CDH18: variants seen among roughly 807,000 people sequenced by gnomAD.
CDH18 encodes cadherin 18, also known as cadherin-18.
In CDH18, 31 loss-of-function variants were observed where a neutral mutation model predicts 67.9. The ratio of observed to expected loss-of-function variants is 0.46; its 90% CI spans 0.34 to 0.62. CDH18 has a LOEUF of 0.62. Among genes scored for constraint, CDH18 ranks in the 20% least tolerant of loss-of-function variants. CDH18 has a pLI of 0.01. For synonymous variants in CDH18, 362 were observed against 347.2 expected (o/e 1.04, Z -0.48); for missense variants, 890 against 975.5 (o/e 0.91, Z 1.17).
intron 1 of CDH18, among the ~76,000 whole-genome samples, chr5:20,395,568 G>A (rs1001188481): frequency 2.6e-5 from 4 of 152,088 alleles, no homozygotes; most frequent in African/African-American, 9.7e-5. Flanking sequence ...ACAATAACTT[G>A]TACCTCTAAA....
intron 2 of CDH18, among the ~76,000 whole-genome samples, chr5:19,925,072 G>C (rs2150180791): frequency 6.6e-6 from 1 of 152,168 alleles, no homozygotes; most frequent in Non-Finnish European, 1.5e-5. Flanking sequence ...ATGTTATATG[G>C]AATATATACT....
chr5:20,367,730 C>T (rs550462549), intron 1 of CDH18, among the ~76,000 whole-genome samples: 33 of 152,324 alleles, frequency 2.2e-4, no homozygotes, highest in Admixed American at 6.5e-4. Context: ...TTATTCTCAT[C>T]TTACTAACTG....
chr5:20,572,186 C>G (rs886383734), intron 1 of CDH18, among the ~76,000 whole-genome samples: 1 of 151,054 alleles, frequency 6.6e-6, no homozygotes, highest in Non-Finnish European at 1.5e-5. Context: ...GTAAAACATT[C>G]TTTTATCTTC....
intron 1 of CDH18, among the ~76,000 whole-genome samples, chr5:20,341,127 G>C (rs1048784018): frequency 6.6e-6 from 1 of 152,158 alleles, no homozygotes; most frequent in African/African-American, 2.4e-5. Context: ...CCTTGTGATG[G>C]TTAATACTGA....
rs556809990 is a variant in CDH18 at position 20,076,425 on chromosome 5, C to T, written c.-517-84411G>A. On this transcript the variant is annotated intron_variant, in intron 2 of 14. Transcript: ENST00000507958. ...ATTGAGATGGCAATAAAATGTAATA[C>T]AAAAATCAATGTAAACCTTGTAATG... Among the ~76,000 whole-genome samples the T allele has an allele frequency of 5.3e-5, 8 of 151,430 alleles. No homozygotes were observed. The East Asian group carries it at 1.6e-3, about 29-fold the overall frequency.
At chr5:19,850,986 C>G (rs1217004726) in intron 2 of CDH18, among the ~76,000 whole-genome samples, 1 of 151,678 alleles carries the variant, frequency 6.6e-6, no homozygotes, top group Non-Finnish European at 1.5e-5. Context: ...GAATATATCA[C>G]CTGGTTGCAA....
chr5:19,471,471 G>A lies in CDH18; in HGVS notation c.*1755C>T, dbSNP rs1181260937. 6.6e-6 allele frequency among the ~76,000 whole-genome samples: 1 copy of A among 151,970 alleles called. No homozygotes were observed. Among genetic ancestry groups the A allele is most frequent in the Non-Finnish European group, 1.5e-5 (1 of 67,974 alleles). On this transcript the variant is annotated 3_prime_UTR_variant, in exon 13 of 13. Coordinates refer to ENST00000382275, the MANE Select transcript of CDH18 (RefSeq NM_004934.5). ...ACATGGGTAGAAACAGACAGAAAATGTCATATAACTTTTGGGGACACTGAT... is the reference window on the plus strand; with the variant it reads ...ACATGGGTAGAAACAGACAGAAAATATCATATAACTTTTGGGGACACTGAT...
At chr5:20,497,160 A>G (rs115217100) in intron 1 of CDH18, among the ~76,000 whole-genome samples, 2,458 of 152,222 alleles carry the variant, frequency 0.016, 33 homozygotes, top group Non-Finnish European at 0.024. Flanking sequence ...TGGAGGCAGC[A>G]AAGAGGGAAA....
intron 1 of CDH18, among the ~76,000 whole-genome samples, chr5:20,525,887 T>C (rs1756021487): frequency 6.6e-6 from 1 of 152,164 alleles, no homozygotes; most frequent in African/African-American, 2.4e-5. Flanking sequence ...CAATATTTTA[T>C]GACTCAAAAG....
chr5:19,610,933 C>T (rs546597303), intron 6 of CDH18, among the ~76,000 whole-genome samples: 11 of 152,060 alleles, frequency 7.2e-5, no homozygotes, highest in Non-Finnish European at 1.2e-4. Flanking sequence ...CACCAGGTAA[C>T]ATTATCTTAT....
rs564791585 is a variant in CDH18, at chr5:19,516,789, C to T, written c.1512+3868G>A. On this transcript the variant is annotated intron_variant, in intron 10 of 12. Transcript: ENST00000382275. Reference sequence around the variant, plus strand: ...GGTCTCTCAATTTTGTTGATCTTTTCAAAAAAAACAAGCTCCTGGATTCAT... The same window carrying T: ...GGTCTCTCAATTTTGTTGATCTTTTTAAAAAAAACAAGCTCCTGGATTCAT... Among the ~76,000 whole-genome samples, 4 of 151,166 alleles carry T rather than the reference C, an allele frequency of 2.6e-5. No homozygotes were observed. In the East Asian group the frequency reaches 7.8e-4, roughly 29 times the overall value.
At chr5:20,118,738 C>G (rs1235852540) in intron 2 of CDH18, among the ~76,000 whole-genome samples, 1 of 152,060 alleles carries the variant, frequency 6.6e-6, no homozygotes, top group Non-Finnish European at 1.5e-5. Context: ...TCCCTTTTGC[C>G]CACTGGCCCA....
intron 1 of CDH18, among the ~76,000 whole-genome samples, chr5:20,568,555 A>G (rs1380575909): frequency 6.6e-6 from 1 of 152,232 alleles, no homozygotes; most frequent in East Asian, 1.9e-4. Flanking sequence ...GAAAAAGAAT[A>G]TTAAAAGCAA....
intron 1 of CDH18, among the ~76,000 whole-genome samples, chr5:20,553,830 C>T (rs1757767720): frequency 6.6e-6 from 1 of 152,086 alleles, no homozygotes; most frequent in African/African-American, 2.4e-5. Flanking sequence ...TGCTTCTATA[C>T]ATAGTATCTT....
At chr5:20,292,244 T>G (rs1236326227) in intron 1 of CDH18, among the ~76,000 whole-genome samples, 1 of 152,168 alleles carries the variant, frequency 6.6e-6, no homozygotes, top group African/African-American at 2.4e-5. Context: ...TGTGGGTAAA[T>G]TGAGAGACAG....
chr5:20,499,467 G>A (rs541936786), intron 1 of CDH18, among the ~76,000 whole-genome samples: 10 of 152,100 alleles, frequency 6.6e-5, no homozygotes, highest in African/African-American at 2.4e-4. Flanking sequence ...CAGATACAGA[G>A]GGCTGACTGC....
At chr5:19,939,202 A>T (rs1401233191) in intron 2 of CDH18, among the ~76,000 whole-genome samples, 1 of 151,442 alleles carries the variant, frequency 6.6e-6, no homozygotes, top group African/African-American at 2.4e-5. Flanking sequence ...AGTAAATTTT[A>T]TTTGAAATGA....
intron 3 of CDH18, among the ~76,000 whole-genome samples, chr5:19,799,731 T>G (rs1395873725): frequency 1.3e-5 from 2 of 152,174 alleles, no homozygotes; most frequent in Non-Finnish European, 2.9e-5. Context: ...AAGTTTAGTA[T>G]GTTAGCTAAA....
chr5:20,035,830 G>A (rs539403310), intron 2 of CDH18, among the ~76,000 whole-genome samples: 1 of 152,012 alleles, frequency 6.6e-6, no homozygotes, highest in African/African-American at 2.4e-5. Context: ...ACTCAAGTCT[G>A]TGTAGTGCCC....
Sources: gnomAD v4.1 joint callset for allele counts (sites outside exome capture counted in the v4.1 genomes callset) on GRCh38, gnomAD v4.1.1 for gene constraint, MANE v1.5 for transcripts, NCBI Gene and HGNC (gene_info 2026-07-23, HGNC 2026-07-21) for gene names.